RNF138: variants seen among roughly 807,000 people sequenced by gnomAD.
RNF138 encodes the protein ring finger protein 138, also known as E3 ubiquitin-protein ligase RNF138.
A neutral mutation model predicts 31.0 loss-of-function variants in RNF138; 12 were observed. The ratio of observed to expected loss-of-function variants is 0.39; its 90% CI spans 0.25 to 0.63. The LOEUF is 0.63. RNF138 is among the 20% of genes least tolerant of loss of function. The pLI, the probability that RNF138 is intolerant of heterozygous loss-of-function variation, is 0.52. For missense variants in RNF138, 192 were observed against 300.1 expected (o/e 0.64, Z 2.66); for synonymous variants, 105 against 99.5 (o/e 1.06, Z -0.33).
In RNF138 at chr18:32,121,141, AAC is replaced by A. The variant is rs1491581119; in HGVS notation, c.393-2375_393-2374del. ...CAAGAGTGAGACTGTCTCAAAAAAAAACAAAACAAAAAAAAAGCAGATCCAAA... is the reference window on the plus strand; with the variant it reads ...CAAGAGTGAGACTGTCTCAAAAAAAAAAAACAAAAAAAAAGCAGATCCAAA... On this transcript the variant is annotated intron_variant, in intron 4 of 7. Coordinates refer to ENST00000261593, the MANE Select transcript of RNF138 (RefSeq NM_016271.5). Among the ~76,000 whole-genome samples the A allele has an allele frequency of 2.7e-4, 34 of 123,774 alleles. 1 individual carries two copies. The highest frequency in any genetic ancestry group is 2.9e-4 in the Admixed American group (3 of 10,396). The allele number at this position is 123,774 out of a possible 152,430, so 81.2% of individuals were successfully genotyped here.
chr18:32,110,319 G>A (rs752819575), intron 2 of RNF138, among the ~76,000 whole-genome samples: 2 of 152,120 alleles, frequency 1.3e-5, no homozygotes, highest in Non-Finnish European at 2.9e-5. Flanking sequence ...GGTGTTAATT[G>A]GTAATGACTT....
intron 7 of RNF138, 90 bp downstream of exon 7, chr18:32,126,890 C>A: frequency 1.3e-6 from 1 of 748,984 alleles, no homozygotes; most frequent in Non-Finnish European, 2.3e-6. Flanking sequence ...TTGTGGCAAG[C>A]TGTTGTATCT....
intron 2 of RNF138, among the ~76,000 whole-genome samples, chr18:32,094,605 C>T (rs1187520789): frequency 5.3e-5 from 8 of 150,480 alleles, no homozygotes; most frequent in Non-Finnish European, 1.2e-4. Context: ...ACCCATCTGA[C>T]ATGAAAAAAA....
At chr18:32,121,426 C>T (rs1330715298) in intron 4 of RNF138, among the ~76,000 whole-genome samples, 2 of 150,750 alleles carry the variant, frequency 1.3e-5, no homozygotes, top group Non-Finnish European at 3.0e-5. Flanking sequence ...ACCTGGGAGG[C>T]GGAGGTTGTG....
At chr18:32,125,074 G>T in intron 6 of RNF138, 1 of 426,450 alleles carries the variant, frequency 2.3e-6, no homozygotes, top group Non-Finnish European at 4.3e-6. Flanking sequence ...AGGTAATATA[G>T]CACAGTCTGG....
At chr18:32,093,132 C>CCCGCTCTT (rs1177842049) in intron 2 of RNF138, among the ~76,000 whole-genome samples, 1 of 151,794 alleles carries the variant, frequency 6.6e-6, no homozygotes, top group Non-Finnish European at 1.5e-5. Context: ...CTCCCGCTCT[C>CCCGCTCTT]CCGCTCTCCC....
At chr18:32,102,880 C>T (rs1412514683) in intron 2 of RNF138, among the ~76,000 whole-genome samples, 1 of 152,092 alleles carries the variant, frequency 6.6e-6, no homozygotes. Context: ...ATCCACCTGC[C>T]TTGGCCTCAC....
chr18:32,100,351 G>C (rs2039907916), intron 2 of RNF138, among the ~76,000 whole-genome samples: 1 of 151,738 alleles, frequency 6.6e-6, no homozygotes, highest in African/African-American at 2.4e-5. Flanking sequence ...CCAGGCTAGA[G>C]TGCAGTGGCA....
intron 2 of RNF138, among the ~76,000 whole-genome samples, chr18:32,103,063 A>G (rs2039970466): frequency 6.6e-6 from 1 of 152,134 alleles, no homozygotes; most frequent in East Asian, 1.9e-4. Flanking sequence ...TATATTTTTG[A>G]ATCCAGACCA....
intron 4 of RNF138, among the ~76,000 whole-genome samples, chr18:32,119,500 C>G (rs2040269824): frequency 6.6e-6 from 1 of 152,182 alleles, no homozygotes; most frequent in Admixed American, 6.6e-5. Flanking sequence ...TCTCAGCTCA[C>G]TACAACCTCT....
chr18:32,126,369 T>C (rs1218345411), intron 6 of RNF138, among the ~76,000 whole-genome samples: 1 of 152,232 alleles, frequency 6.6e-6, no homozygotes, highest in Non-Finnish European at 1.5e-5. Flanking sequence ...AGATAATATA[T>C]TGGATATGTT....
chr18:32,122,808 A>AT (rs1259383398), intron 4 of RNF138, among the ~76,000 whole-genome samples: 2 of 152,180 alleles, frequency 1.3e-5, no homozygotes, highest in African/African-American at 4.8e-5. Context: ...TGGGCGACAG[A>AT]TTGAGACTCC....
In RNF138 at chr18:32,123,558, T is replaced by G; in HGVS notation, c.433T>G (p.Tyr145Asp). 3 of 1,592,606 alleles carry G rather than the reference T, an allele frequency of 1.9e-6. No homozygotes were observed. The highest frequency in any genetic ancestry group is 2.6e-6 in the Non-Finnish European group (3 of 1,170,842). Reference sequence around the variant, plus strand: ...ATCCACATCTGATAACACAGAAACTTACCAAGAGAATACAAGGTAAGCTTT... The same window carrying G: ...ATCCACATCTGATAACACAGAAACTGACCAAGAGAATACAAGGTAAGCTTT... ...ETSTSDNTET[Y>D]QENTSSSGHP... Residue 145 changes from tyrosine (Y) to aspartate (D), a missense_variant, in exon 5 of 8, where the codon TAC becomes GAC. Transcript: ENST00000261593.
At chr18:32,125,812 G>C (rs1268086378) in intron 6 of RNF138, among the ~76,000 whole-genome samples, 1 of 152,080 alleles carries the variant, frequency 6.6e-6, no homozygotes, top group Non-Finnish European at 1.5e-5. Flanking sequence ...TAACCATTGA[G>C]GATGACCTTA....
chr18:32,112,727 T>A (rs1025697392), intron 3 of RNF138, among the ~76,000 whole-genome samples: 2 of 152,178 alleles, frequency 1.3e-5, no homozygotes, highest in African/African-American at 4.8e-5. Flanking sequence ...TGGTTAATTT[T>A]AAGGAACATG....
rs201483037 is a variant in RNF138 at position 32,119,916 on chromosome 18, TTGA to T, written c.393-3597_393-3595del. Among the ~76,000 whole-genome samples the T allele has an allele frequency of 6.6e-3, 998 of 152,304 alleles. 12 individuals carry two copies. The highest frequency in any genetic ancestry group is 0.023 in the African/African-American group (965 of 41,578). Reference sequence around the variant, plus strand: ...TATGTTAATCTTGTTTTCAGCAGCTTTGATGATTTGTTAGTTGTAATAGTTCTA... The same window carrying T: ...TATGTTAATCTTGTTTTCAGCAGCTTTGATTTGTTAGTTGTAATAGTTCTA... On this transcript the variant is annotated intron_variant, in intron 4 of 7. Coordinates refer to ENST00000261593, the MANE Select transcript of RNF138 (RefSeq NM_016271.5).
At chr18:32,098,237 C>T (rs2144565385) in intron 2 of RNF138, among the ~76,000 whole-genome samples, 1 of 152,194 alleles carries the variant, frequency 6.6e-6, no homozygotes, top group South Asian at 2.1e-4. Context: ...AACTCCTGAC[C>T]TCAAGTGATC....
At chr18:32,120,515 G>A (rs2144271908) in intron 4 of RNF138, among the ~76,000 whole-genome samples, 1 of 152,088 alleles carries the variant, frequency 6.6e-6, no homozygotes, top group African/African-American at 2.4e-5. Context: ...GAATTTTATT[G>A]GTGTTTCTGT....
chr18:32,128,047 T>A (rs1264280267), intron 7 of RNF138, among the ~76,000 whole-genome samples: 1 of 151,902 alleles, frequency 6.6e-6, no homozygotes, highest in Admixed American at 6.6e-5. Context: ...GCCACTGCAC[T>A]CCAGCCTGGG....
Sources: gnomAD v4.1 joint callset for allele counts (sites outside exome capture counted in the v4.1 genomes callset) on GRCh38, gnomAD v4.1.1 for gene constraint, MANE v1.5 for transcripts, NCBI Gene and HGNC (gene_info 2026-07-23, HGNC 2026-07-21) for gene names.